SYNE2: variants seen among roughly 807,000 people sequenced by gnomAD.
SYNE2 encodes spectrin repeat containing nuclear envelope protein 2.
Under a neutral mutation model 856.3 loss-of-function variants are expected in SYNE2, and 431 were observed. The observed-to-expected ratio is 0.50, with a 90% confidence interval of 0.47 to 0.55. The LOEUF (loss-of-function observed/expected upper bound fraction) is 0.55, where lower values mean the gene tolerates loss of function less well. SYNE2 is among the 20% of genes least tolerant of loss of function. SYNE2 has a pLI of 0.00. For missense variants in SYNE2, 8,129 were observed against 8,023.2 expected (o/e 1.01, Z -0.50); for synonymous variants, 2,923 against 2,872.3 (o/e 1.02, Z -0.56).
At chr14:63,998,186 A>T (rs530336022) in intron 25 of SYNE2, 33 bp from the exon 26 acceptor site, 1 of 1,398,374 alleles carries the variant, frequency 7.2e-7, no homozygotes, top group Non-Finnish European at 1.0e-6. Context: ...TATGTTTAAG[A>T]TATTTCGTTT....
chr14:64,165,815 A>G (rs2098374297), intron 90 of SYNE2, among the ~76,000 whole-genome samples: 1 of 152,152 alleles, frequency 6.6e-6, no homozygotes, highest in African/African-American at 2.4e-5. Flanking sequence ...CGCCTGGCCT[A>G]ACTCACCCTT....
intron 61 of SYNE2, among the ~76,000 whole-genome samples, chr14:64,096,033 A>G (rs896472864): frequency 1.3e-5 from 2 of 152,152 alleles, no homozygotes; most frequent in Non-Finnish European, 2.9e-5. Flanking sequence ...GTAGTCTTCA[A>G]TGCGCCATCT....
intron 99 of SYNE2, among the ~76,000 whole-genome samples, chr14:64,201,579 G>C (rs2098566407): frequency 1.3e-5 from 2 of 152,306 alleles, no homozygotes; most frequent in South Asian, 2.1e-4. Flanking sequence ...GGGTAGGGCA[G>C]GGACTATTGA....
chr14:64,164,154 G>T (rs1356228201), intron 89 of SYNE2, among the ~76,000 whole-genome samples: 1 of 151,220 alleles, frequency 6.6e-6, no homozygotes, highest in Non-Finnish European at 1.5e-5. Context: ...CTGTCGCCCA[G>T]GCTGGAGTAC....
intron 45 of SYNE2, chr14:64,034,509 G>T: frequency 1.9e-6 from 1 of 513,274 alleles, no homozygotes; most frequent in Admixed American, 3.1e-5. Flanking sequence ...TGTTGAAAAT[G>T]TGATGGCAGT....
At chr14:63,791,994 A>C (rs1198924829) in intron 1 of SYNE2, among the ~76,000 whole-genome samples, 7 of 152,172 alleles carry the variant, frequency 4.6e-5, no homozygotes, top group Admixed American at 2.0e-4. Flanking sequence ...AATTAAAAGA[A>C]TACATTGAAA....
At chr14:63,785,230 G>A (rs377295263) in intron 1 of SYNE2, among the ~76,000 whole-genome samples, 93 of 151,632 alleles carry the variant, frequency 6.1e-4, no homozygotes, top group Non-Finnish European at 9.0e-4. Context: ...GAGGTCAAGC[G>A]GGCAGATCAT....
chr14:64,043,440 T>C (rs1318979352), intron 45 of SYNE2, among the ~76,000 whole-genome samples: 1 of 152,124 alleles, frequency 6.6e-6, no homozygotes, highest in Non-Finnish European at 1.5e-5. Context: ...GAAATGTCTC[T>C]AGGGCATGTC....
At position 64,122,647 on chromosome 14, in the gene SYNE2, A is replaced by T; in HGVS notation, c.13422+220A>T. 7 of 636,854 alleles carry T rather than the reference A, an allele frequency of 1.1e-5. No homozygotes were observed. In the South Asian group the frequency reaches 1.3e-4, roughly 12 times the overall value. 39.5% of individuals were successfully genotyped at this position (636,854 alleles called of 1,614,324 possible). Reference sequence around the variant, plus strand: ...CCTCATCAGAGCTGTTATTTATAACAACTATCCGCCTGTTTGTTTATAGTC... The same window carrying T: ...CCTCATCAGAGCTGTTATTTATAACTACTATCCGCCTGTTTGTTTATAGTC... On this transcript the variant is annotated intron_variant, in intron 70 of 115. Coordinates refer to ENST00000555002, the MANE Select transcript of SYNE2 (RefSeq NM_182914.3).
intron 1 of SYNE2, among the ~76,000 whole-genome samples, chr14:63,866,994 C>T (rs542827368): frequency 1.3e-5 from 2 of 152,284 alleles, no homozygotes; most frequent in South Asian, 2.1e-4. Context: ...TTATTTAGTA[C>T]TCAATTGGTG....
intron 9 of SYNE2, among the ~76,000 whole-genome samples, chr14:63,961,865 T>G (rs1158256760): frequency 6.6e-6 from 1 of 151,852 alleles, no homozygotes; most frequent in African/African-American, 2.4e-5. Flanking sequence ...TTTCTTTTAC[T>G]GTAGATTAGT....
intron 1 of SYNE2, chr14:63,873,447 G>A (rs747151767): frequency 6.6e-6 from 1 of 152,172 alleles, no homozygotes; most frequent in African/African-American, 2.4e-5. Context: ...CCAGGCTGGA[G>A]TATAATGGCA....
At chr14:63,819,772 G>A (rs1043805074) in intron 1 of SYNE2, among the ~76,000 whole-genome samples, 2 of 151,544 alleles carry the variant, frequency 1.3e-5, no homozygotes, top group Non-Finnish European at 1.5e-5. Flanking sequence ...TCCTGACCTC[G>A]TGATCCACCC....
chr14:64,025,157 G>C lies in SYNE2; in HGVS notation c.5988G>C (p.Leu1996Phe). 6.2e-7 allele frequency: 1 copy of C among 1,614,040 alleles called. No individual in the cohort carries two copies. The highest frequency in any genetic ancestry group is 1.1e-5 in the South Asian group (1 of 91,048). ...KREQFESVAQ[L>F]NNSLKEYGFT... ...AACAGTTTGAATCTGTGGCCCAATT[G>C]AACAACTCTTTGAAGGAATATGGGT... The change falls in exon 41 of 116, where the codon TTG becomes TTC. Residue 1996 changes from leucine (L) to phenylalanine (F), a missense_variant. Physicochemically the swap from Leu to Phe is conservative, Grantham distance 22. Transcript: ENST00000555002.
chr14:64,126,214 A>T (rs2097943520), intron 71 of SYNE2, 113 bp from the exon 72 acceptor site: 2 of 924,662 alleles, frequency 2.2e-6, no homozygotes, highest in Non-Finnish European at 3.4e-6. Context: ...GAAGCAACTT[A>T]TTACAAAAGA....
intron 91 of SYNE2, 40 bp downstream of exon 91, chr14:64,167,427 A>T: frequency 6.2e-7 from 1 of 1,614,266 alleles, no homozygotes; most frequent in South Asian, 1.1e-5. Flanking sequence ...CAATTAAGGT[A>T]AAATTAACGG....
At chr14:63,868,338 G>C (rs1028693860) in intron 1 of SYNE2, among the ~76,000 whole-genome samples, 1 of 152,044 alleles carries the variant, frequency 6.6e-6, no homozygotes, top group Non-Finnish European at 1.5e-5. Context: ...AGCCAGGCGT[G>C]GTGGTGCACA....
In SYNE2 at chr14:64,056,154, A is replaced by G. The variant is rs534307901; in HGVS notation, c.9955A>G (p.Met3319Val). The G allele has an allele frequency of 3.1e-6, 5 of 1,614,142 alleles. No individual in the cohort carries two copies. In the East Asian group the frequency reaches 6.7e-5, roughly 22 times the overall value. The change falls in exon 49 of 116, where the codon ATG becomes GTG. Residue 3319 changes from methionine (M) to valine (V), a missense_variant. Physicochemically the swap from Met to Val is conservative, Grantham distance 21. Coordinates refer to ENST00000555002, the MANE Select transcript of SYNE2 (RefSeq NM_182914.3). Reference protein sequence around the residue: ...HIQDLTEKLGMISSPEAKLQL... With the variant: ...HIQDLTEKLGVISSPEAKLQL... ...CCAGGACCTCACTGAGAAACTGGGA[A>G]TGATATCCAGCCCCGAAGCCAAACT... is the stretch of plus-strand genomic sequence containing the variant.
At chr14:63,867,381 TAA>T (rs561880955) in intron 1 of SYNE2, among the ~76,000 whole-genome samples, 26 of 129,446 alleles carry the variant, frequency 2.0e-4, no homozygotes, top group African/African-American at 2.5e-4. Context: ...TTCCTCCTCT[TAA>T]AAAAAAAAAA....
Sources: allele counts gnomAD v4.1 joint callset (sites outside exome capture counted in the v4.1 genomes callset), GRCh38; gene constraint gnomAD v4.1.1; transcripts MANE v1.5; gene names NCBI Gene and HGNC (gene_info 2026-07-23, HGNC 2026-07-21).